Variants in ZNF217 observed in about 807,000 individuals in gnomAD.
ZNF217 encodes zinc finger protein 217.
ZNF217 carries 12 observed loss-of-function variants against 73.3 expected under a neutral mutation model. The observed-to-expected ratio is 0.16, with a 90% CI of 0.10 to 0.27. The LOEUF (loss-of-function observed/expected upper bound fraction) is 0.27. Ranked by LOEUF, ZNF217 falls within the 10% of genes least tolerant of loss-of-function variation. The pLI, the probability that ZNF217 is intolerant of heterozygous loss-of-function variation, is 1.00. For missense variants in ZNF217, 1,195 were observed against 1,327.8 expected (o/e 0.90, Z 1.55); for synonymous variants, 588 against 516.4 (o/e 1.14, Z -1.88).
rs990405471 is a variant in ZNF217, at chr20:53,567,607, G to C, written c.*1681C>G. On this transcript the variant is annotated 3_prime_UTR_variant, in exon 6 of 6. Coordinates refer to ENST00000371471, the MANE Select transcript of ZNF217 (RefSeq NM_006526.3). ...AGATTGAGTCAATCATCTTGCAAAT[G>C]TGTTAATCTTCAAAAATAGGCTATA... The C allele has an allele frequency of 3.3e-5, 5 of 152,600 alleles. No individual in the cohort carries two copies. The highest frequency in any genetic ancestry group is 7.2e-5 in the African/African-American group (3 of 41,434). 9.5% of individuals were successfully genotyped at this position (152,600 alleles called of 1,614,324 possible).
intron 4 of ZNF217, among the ~76,000 whole-genome samples, chr20:53,573,415 C>T (rs1988104929): frequency 6.6e-6 from 1 of 151,970 alleles, no homozygotes; most frequent in Admixed American, 6.6e-5. Context: ...AGTATTGTAG[C>T]GTAACCTATT....
At chr20:53,580,760 G>A (rs1342532949) in intron 2 of ZNF217, among the ~76,000 whole-genome samples, 1 of 152,112 alleles carries the variant, frequency 6.6e-6, no homozygotes, top group African/African-American at 2.4e-5. Flanking sequence ...CCTATAAATG[G>A]ATACTAGCTT....
chr20:53,582,474 G>A lies in ZNF217; in HGVS notation c.353C>T (p.Pro118Leu), dbSNP rs965696088. ...ATTTTCCTTGCAATTCTTTTCCTTG[G>A]GAGGTTCTGTTCGCACTTGACTTTT... ...LDKSQVRTEP[P>L]KEKNCKENEF... is the part of the protein sequence containing the mutation. Residue 118 changes from proline (P) to leucine (L), a missense_variant, in exon 2 of 6, where the codon CCC (proline) becomes CTC (leucine). Pro to Leu is a moderately conservative substitution (Grantham distance 98). Transcript: ENST00000371471. This position sits in a 1 kb window ranked among gnomAD's most constrained non-coding sequence, Gnocchi z 4.8. 5.6e-6 allele frequency: 9 copies of A among 1,613,952 alleles called. No individual in the cohort carries two copies. The highest frequency in any genetic ancestry group is 7.6e-6 in the Non-Finnish European group (9 of 1,180,032).
chr20:53,589,484 G>A (rs1988808010), intron 1 of ZNF217, among the ~76,000 whole-genome samples: 1 of 152,302 alleles, frequency 6.6e-6, no homozygotes, highest in Admixed American at 6.5e-5. Context: ...AATATAAAAG[G>A]GTAATATGTG....
At chr20:53,583,202 C>T (rs1988572471) in intron 1 of ZNF217, 34 bp from the exon 2 acceptor site, 1 of 406,822 alleles carries the variant, frequency 2.5e-6, no homozygotes. Flanking sequence ...GTTAGCTACA[C>T]TCAGAGCGAA....
chr20:53,590,561 A>C (rs1402951559), intron 1 of ZNF217, among the ~76,000 whole-genome samples: 1 of 152,122 alleles, frequency 6.6e-6, no homozygotes, highest in Non-Finnish European at 1.5e-5. Flanking sequence ...ACTACTCCAA[A>C]GTTCTTATCA....
In ZNF217 at chr20:53,577,131, C is replaced by T. The variant is rs1279433221; in HGVS notation, c.1633G>A (p.Ala545Thr). The change falls in exon 4 of 6, where the codon GCA becomes ACA. Residue 545 changes from alanine to threonine, a missense_variant. By Grantham distance (58) the Ala-to-Thr change is moderately conservative. This residue lies in a region of ZNF217 where 649 missense variants were observed against 642.8 expected (regional missense o/e 1.01). Transcript: ENST00000371471. ...TGCGCACTGTCAGCGGTTAATAGTG[C>T]ATCTTCAGTGTCCTGATTTTTACCA... ...NDGKNQDTED[A>T]LLTADSAQTK... 2 of 1,614,180 alleles carry T rather than the reference C, an allele frequency of 1.2e-6. No homozygotes were observed. The highest frequency in any genetic ancestry group is 2.2e-5 in the East Asian group (1 of 44,888).
rs943837477 is a variant in ZNF217 at position 53,568,195 on chromosome 20, A to C, written c.*1093T>G. Reference sequence around the variant, plus strand: ...CCTTATTCAAAATCAATGTGTCTATAATCAACTCTAGTATGTCCACAGTTC... The same window carrying C: ...CCTTATTCAAAATCAATGTGTCTATCATCAACTCTAGTATGTCCACAGTTC... On this transcript the variant is annotated 3_prime_UTR_variant, in exon 6 of 6. Transcript: ENST00000371471. 3.9e-5 allele frequency: 6 copies of C among 152,134 alleles called. No individual in the cohort carries two copies. Among genetic ancestry groups the C allele is most frequent in the African/African-American group, 1.4e-4 (6 of 41,414 alleles). 9.4% of individuals were successfully genotyped at this position (152,134 alleles called of 1,614,324 possible).
intron 3 of ZNF217, among the ~76,000 whole-genome samples, chr20:53,577,705 C>A (rs923297672): frequency 3.3e-5 from 5 of 152,202 alleles, no homozygotes; most frequent in Non-Finnish European, 7.3e-5. Flanking sequence ...AATAGATTCT[C>A]ATTTCATTCT....
intron 2 of ZNF217, 151 bp from the exon 3 acceptor site, chr20:53,578,601 C>T: frequency 1.8e-6 from 1 of 554,692 alleles, no homozygotes; most frequent in African/African-American, 2.0e-5. Context: ...CGGCTAGACA[C>T]ACACCAAATG....
intron 4 of ZNF217, 47 bp from the exon 5 acceptor site, chr20:53,571,900 G>A: frequency 6.4e-7 from 1 of 1,564,022 alleles, no homozygotes; most frequent in Non-Finnish European, 8.6e-7. Context: ...AAACAATTAG[G>A]TAAGATGTGT....
chr20:53,591,893 A>AAAGAAGTACAGTAAAATAAGAACATTGT (rs1988887722), intron 1 of ZNF217, among the ~76,000 whole-genome samples: 2 of 152,238 alleles, frequency 1.3e-5, no homozygotes, highest in Non-Finnish European at 2.9e-5. Flanking sequence ...ACTTCAGGGG[A>AAAGAAGTACAGTAAAATAAGAACATTGT]AAGAAGTACA....
At position 53,576,169 on chromosome 20, in the gene ZNF217, T is replaced by C. The variant is rs138944883; in HGVS notation, c.2595A>G (p.Pro865=). 6 of 1,614,108 alleles carry C rather than the reference T, an allele frequency of 3.7e-6. No individual in the cohort carries two copies. The highest frequency in any genetic ancestry group is 5.1e-6 in the Non-Finnish European group (6 of 1,180,046). The stretch of plus-strand genomic sequence containing the variant: ...CGAGGGTGGGCTGAGAAGGAGCTAC[T>C]GGAAGAGGTTTCAATTTTGTCTCGG... ...KRPETKLKPL[P]VAPSQPTLGS... is the part of the protein sequence containing the mutation. Residue 865 remains proline (P), a synonymous_variant, in exon 4 of 6, where the codon CCA becomes CCG. Transcript: ENST00000371471.
intron 1 of ZNF217, among the ~76,000 whole-genome samples, chr20:53,584,364 A>C (rs1302397499): frequency 1.3e-5 from 2 of 152,226 alleles, no homozygotes; most frequent in Non-Finnish European, 2.9e-5. Flanking sequence ...AGGCTCAGAG[A>C]AGCCAAGGAA....
At chr20:53,585,835 G>C (rs1233172403) in intron 1 of ZNF217, among the ~76,000 whole-genome samples, 14 of 152,090 alleles carry the variant, frequency 9.2e-5, no homozygotes, top group Non-Finnish European at 2.1e-4. Flanking sequence ...AGGCATTCTA[G>C]GCCAAGGGGT....
In ZNF217 at chr20:53,581,701, G is replaced by C; in HGVS notation, c.1126C>G (p.His376Asp). The change falls in exon 2 of 6, where the codon CAC becomes GAC. Residue 376 changes from histidine to aspartate, a missense_variant. By Grantham distance (81) the His-to-Asp change is moderately conservative. Transcript: ENST00000371471. This position sits in a 1 kb window ranked among gnomAD's most constrained non-coding sequence, Gnocchi z 4.9. ...KLPSSKEKPTHCSECGKAFRT... is the reference protein window; with the variant it reads ...KLPSSKEKPTDCSECGKAFRT... Reference sequence around the variant, plus strand: ...AAAGCTTTGCCGCACTCGGAGCAGTGAGTGGGCTTCTCCTTGCTACTGGGT... The same window carrying C: ...AAAGCTTTGCCGCACTCGGAGCAGTCAGTGGGCTTCTCCTTGCTACTGGGT... The C allele has an allele frequency of 6.2e-7, 1 of 1,614,266 alleles. No individual in the cohort carries two copies.
intron 2 of ZNF217, among the ~76,000 whole-genome samples, chr20:53,580,935 C>CAAT (rs1476559599): frequency 1.3e-5 from 2 of 152,170 alleles, no homozygotes; most frequent in Non-Finnish European, 2.9e-5. Context: ...TAGGGTCTCT[C>CAAT]AATGCTCAAA....
In ZNF217 at chr20:53,582,489, A is replaced by G; in HGVS notation, c.338T>C (p.Val113Ala). The change falls in exon 2 of 6, where the codon GTG becomes GCG. Residue 113 changes from valine to alanine, a missense_variant. Transcript: ENST00000371471. The surrounding 1 kb of genome is among the most constrained non-coding windows in gnomAD (Gnocchi z 4.8). ...EYLSPLDKSQVRTEPPKEKNC... is the reference protein window; with the variant it reads ...EYLSPLDKSQARTEPPKEKNC... ...CTTTTCCTTGGGAGGTTCTGTTCGC[A>G]CTTGACTTTTATCAAGCGGACTGAG... The G allele has an allele frequency of 6.2e-7, 1 of 1,614,134 alleles. No homozygotes were observed. The highest frequency in any genetic ancestry group is 1.1e-5 in the South Asian group (1 of 91,078).
chr20:53,573,137 T>C (rs981193169), intron 4 of ZNF217, among the ~76,000 whole-genome samples: 2 of 151,678 alleles, frequency 1.3e-5, no homozygotes, highest in Non-Finnish European at 2.9e-5. Context: ...TTTTTTTTTT[T>C]TTTGAGATGG....
Sources: allele counts gnomAD v4.1 joint callset (sites outside exome capture counted in the v4.1 genomes callset), GRCh38; gene constraint gnomAD v4.1.1; regional missense constraint gnomAD v4.1.1; non-coding constraint Gnocchi (gnomAD v3.1); transcripts MANE v1.5; gene names NCBI Gene and HGNC (gene_info 2026-07-23, HGNC 2026-07-21).